PLA2R1: variants seen among roughly 807,000 people sequenced by gnomAD.
PLA2R1 encodes phospholipase A2 receptor 1.
PLA2R1 carries 158 observed loss-of-function variants against 195.9 expected under a neutral mutation model. The observed-to-expected ratio is 0.81, with a 90% confidence interval of 0.71 to 0.92. PLA2R1 has a LOEUF of 0.92. Among genes scored for constraint, PLA2R1 ranks in the 40% least tolerant of loss-of-function variants. PLA2R1 has a pLI of 0.00. For missense variants in PLA2R1, 1,626 were observed against 1,764.6 expected (o/e 0.92, Z 1.41); for synonymous variants, 586 against 598.2 (o/e 0.98, Z 0.30).
chr2:160,039,679 C>T (rs965213894), intron 3 of PLA2R1, among the ~76,000 whole-genome samples: 4 of 151,916 alleles, frequency 2.6e-5, no homozygotes, highest in East Asian at 3.9e-4. Flanking sequence ...TATTGGCTAC[C>T]GGGAGCCAAA....
In PLA2R1 at chr2:159,933,720, GAT is replaced by G. The variant is rs1440000995; in HGVS notation, c.*8056_*8057del. On this transcript the variant is annotated 3_prime_UTR_variant, in exon 30 of 30. Coordinates refer to ENST00000283243, the MANE Select transcript of PLA2R1 (RefSeq NM_007366.5). ...TGTTTACTGATCATAATTGTTTATT[GAT>G]ATATTTTAAGTGCTGTCCATATACA... The G allele has an allele frequency of 6.6e-6, 1 of 152,144 alleles. No individual in the cohort carries two copies. 9.4% of individuals were successfully genotyped at this position (152,144 alleles called of 1,614,324 possible).
chr2:160,047,992 ATTGT>A (rs1441201138), intron 1 of PLA2R1, among the ~76,000 whole-genome samples: 11 of 152,028 alleles, frequency 7.2e-5, no homozygotes, highest in African/African-American at 7.2e-5. Context: ...TGCCTGGCTA[ATTGT>A]TTGTTTGTTT....
chr2:159,947,377 A>C (rs1298854894), intron 26 of PLA2R1, 42 bp downstream of exon 26: 1 of 1,546,282 alleles, frequency 6.5e-7, no homozygotes. Context: ...AATGGCAAGA[A>C]GGAGCACATG....
intron 1 of PLA2R1, among the ~76,000 whole-genome samples, chr2:160,049,169 CTT>C (rs36104901): frequency 8.0e-5 from 12 of 149,510 alleles, no homozygotes; most frequent in Admixed American, 3.3e-4. Flanking sequence ...AATTTCTATC[CTT>C]TTTTTTTTAA....
chr2:159,988,020 G>A (rs1029227726), intron 11 of PLA2R1, among the ~76,000 whole-genome samples: 3 of 152,118 alleles, frequency 2.0e-5, no homozygotes, highest in African/African-American at 4.8e-5. Flanking sequence ...TGATATACTA[G>A]TTATGGACAA....
intron 20 of PLA2R1, among the ~76,000 whole-genome samples, chr2:159,956,876 T>A (rs972824957): frequency 5.3e-5 from 8 of 151,884 alleles, no homozygotes; most frequent in African/African-American, 9.7e-5. Context: ...TTTTGTCTTG[T>A]GAAATGTCAG....
intron 1 of PLA2R1, among the ~76,000 whole-genome samples, chr2:160,054,248 C>T (rs915895700): frequency 2.0e-5 from 3 of 151,944 alleles, no homozygotes; most frequent in African/African-American, 7.3e-5. Context: ...CCAGCCTGAG[C>T]AACATAGCAA....
chr2:159,925,946 T>C, the PLA2R1 span, among the ~76,000 whole-genome samples: 1 of 152,300 alleles, frequency 6.6e-6, no homozygotes, highest in Middle Eastern at 3.4e-3. Flanking sequence ...GAACCCCTGA[T>C]TTGATGTGAC....
chr2:159,963,165 T>C lies in PLA2R1; in HGVS notation c.2904+4374A>G, dbSNP rs568072263. On this transcript the variant is annotated intron_variant, in intron 20 of 29. Coordinates refer to ENST00000283243, the MANE Select transcript of PLA2R1 (RefSeq NM_007366.5). The stretch of plus-strand genomic sequence containing the variant: ...TTAGCTAGGCATTCCTTTATGCCTG[T>C]TCCCTAGAGACCATGCCAGGATAAA... Among the ~76,000 whole-genome samples the C allele has an allele frequency of 2.0e-5, 3 of 152,332 alleles. No individual in the cohort carries two copies. The South Asian group carries it at 6.2e-4, about 32-fold the overall frequency.
At chr2:160,042,796 T>TGC (rs1694603065) in intron 2 of PLA2R1, among the ~76,000 whole-genome samples, 1 of 68,510 alleles carries the variant, frequency 1.5e-5, no homozygotes, top group Non-Finnish European at 2.6e-5. Flanking sequence ...GGGGTGTGTG[T>TGC]GTGCGTGTGT....
the PLA2R1 span, among the ~76,000 whole-genome samples, chr2:159,926,797 G>A: frequency 6.6e-6 from 1 of 152,264 alleles, no homozygotes; most frequent in South Asian, 2.1e-4. Context: ...CATGGAGCAG[G>A]GAGCCTTCAC....
chr2:159,972,178 G>A (rs748821533), intron 17 of PLA2R1, among the ~76,000 whole-genome samples: 17 of 152,106 alleles, frequency 1.1e-4, no homozygotes, highest in African/African-American at 1.7e-4. Context: ...CAATTATGGC[G>A]TGGTAACCTC....
intron 25 of PLA2R1, among the ~76,000 whole-genome samples, chr2:159,949,230 T>TA (rs766776894): frequency 6.6e-6 from 1 of 152,152 alleles, no homozygotes; most frequent in Non-Finnish European, 1.5e-5. Flanking sequence ...GGCTTTGTCT[T>TA]ACGTAAGCCT....
rs544873119 is a variant in PLA2R1 at position 159,995,345 on chromosome 2, A to G, written c.1835-7987T>C. ...TGTCACTCAAATAAATTACAGCAGA[A>G]ACTTATGAATGACAAGGAACTCTGC... On this transcript the variant is annotated intron_variant, in intron 11 of 29. Coordinates refer to ENST00000283243, the MANE Select transcript of PLA2R1 (RefSeq NM_007366.5). Among the ~76,000 whole-genome samples, 78 of 152,220 alleles carry G rather than the reference A, an allele frequency of 5.1e-4. 4 individuals carry two copies. The South Asian group carries it at 0.016, about 31-fold the overall frequency.
At chr2:159,974,642 G>A (rs1028850059) in intron 17 of PLA2R1, among the ~76,000 whole-genome samples, 2 of 152,128 alleles carry the variant, frequency 1.3e-5, no homozygotes, top group African/African-American at 2.4e-5. Context: ...TGAACATTAT[G>A]GTTTTGGCTT....
Position 159,949,725 on chromosome 2 carries a change from A to C in PLA2R1, c.3592T>G (p.Trp1198Gly), listed in dbSNP as rs779159766. Residue 1198 changes from tryptophan (W) to glycine (G), a missense_variant, in exon 25 of 30, where the codon TGG (tryptophan) becomes GGG (glycine). By Grantham distance (184) the Trp-to-Gly change is radical. Coordinates refer to ENST00000283243, the MANE Select transcript of PLA2R1 (RefSeq NM_007366.5). ...AGGAGGGAGGACTCCTCATCTTTCC[A>C]AAAAGTGAAAGAAGATTTGGTGCCA... is the stretch of plus-strand genomic sequence containing the variant. ...SDGTKSSFTF[W>G]KDEESSLLGD... 2 of 1,613,666 alleles carry C rather than the reference A, an allele frequency of 1.2e-6. No individual in the cohort carries two copies. Among genetic ancestry groups the C allele is most frequent in the Admixed American group, 3.3e-5 (2 of 60,006 alleles).
chr2:159,997,432 C>G (rs922280160), intron 11 of PLA2R1, among the ~76,000 whole-genome samples: 1 of 152,052 alleles, frequency 6.6e-6, no homozygotes, highest in Non-Finnish European at 1.5e-5. Context: ...GGTAAAATAG[C>G]CTTTCCTGAG....
chr2:160,050,023 G>A (rs1285514647), intron 1 of PLA2R1, among the ~76,000 whole-genome samples: 1 of 152,088 alleles, frequency 6.6e-6, no homozygotes, highest in African/African-American at 2.4e-5. Context: ...ATACCTAGAT[G>A]ATGGGATGAC....
Position 159,983,954 on chromosome 2 carries a change from A to G in PLA2R1, c.2157T>C (p.Asn719=), listed in dbSNP as rs1337830154. The G allele has an allele frequency of 6.3e-7, 1 of 1,589,020 alleles. No homozygotes were observed. Among genetic ancestry groups the G allele is most frequent in the Non-Finnish European group, 8.6e-7 (1 of 1,160,524 alleles). Residue 719 remains asparagine, a synonymous_variant, in exon 13 of 30, where the codon AAT becomes AAC. Coordinates refer to ENST00000283243, the MANE Select transcript of PLA2R1 (RefSeq NM_007366.5). ...FAHIEEENFV[N]ELLHSKFNWT... Reference sequence around the variant, plus strand: ...AATTAAATTTTGAATGTAAGAGCTCATTCACAAAATTCTCTTCCTCAATAT... The same window carrying G: ...AATTAAATTTTGAATGTAAGAGCTCGTTCACAAAATTCTCTTCCTCAATAT...
Sources: allele counts gnomAD v4.1 joint callset (sites outside exome capture counted in the v4.1 genomes callset), GRCh38; gene constraint gnomAD v4.1.1; transcripts MANE v1.5; gene names NCBI Gene and HGNC (gene_info 2026-07-23, HGNC 2026-07-21).